Variants in QTRT2 observed in about 807,000 individuals in gnomAD.
QTRT2 encodes queuine tRNA-ribosyltransferase domain containing 1.
A neutral mutation model predicts 44.8 loss-of-function variants in QTRT2; 32 were observed. The observed-to-expected ratio is 0.71, with a 90% confidence interval of 0.54 to 0.96. The LOEUF (loss-of-function observed/expected upper bound fraction) is 0.96. Among genes scored for constraint, QTRT2 ranks in the 40% least tolerant of loss-of-function variants. The pLI, the probability that QTRT2 is intolerant of heterozygous loss-of-function variation, is 0.00. For synonymous variants in QTRT2, 182 were observed against 187.4 expected (o/e 0.97, Z 0.24); for missense variants, 461 against 503.1 (o/e 0.92, Z 0.80).
chr3:114,060,496 G>GTAGGTAGGTAGATAGA (rs74776205), intron 2 of QTRT2, among the ~76,000 whole-genome samples: 403 of 144,510 alleles, frequency 2.8e-3, no homozygotes, highest in Middle Eastern at 7.0e-3. Flanking sequence ...AGGTAGGTAG[G>GTAGGTAGGTAGATAGA]TAGATAGATA....
rs1238528196 is a variant in QTRT2 at position 114,057,005 on chromosome 3, C to T, written c.-123C>T. On this transcript the variant is annotated 5_prime_UTR_variant, in exon 2 of 10. Coordinates refer to ENST00000281273, the MANE Select transcript of QTRT2 (RefSeq NM_024638.4). ...CCTCTGCTTCCCTTTTCAGGGTGTC[C>T]TGGTGGATTGGTTTCTGTAAGTTCA... 3.3e-5 allele frequency: 47 copies of T among 1,428,884 alleles called. No homozygotes were observed. Among genetic ancestry groups the T allele is most frequent in the Non-Finnish European group, 4.3e-5 (47 of 1,096,782 alleles). The allele number at this position is 1,428,884 out of a possible 1,614,324, so 88.5% of individuals were successfully genotyped here.
intron 6 of QTRT2, among the ~76,000 whole-genome samples, chr3:114,073,483 G>A (rs1003096044): frequency 6.6e-6 from 1 of 152,062 alleles, no homozygotes; most frequent in African/African-American, 2.4e-5. Context: ...AGGTTCAAGC[G>A]ATTCTCCTGT....
intron 6 of QTRT2, among the ~76,000 whole-genome samples, chr3:114,073,209 A>G (rs938449854): frequency 3.3e-5 from 5 of 152,176 alleles, no homozygotes; most frequent in Admixed American, 1.3e-4. Flanking sequence ...TGAGCCAGTC[A>G]TTATCCTTGT....
intron 2 of QTRT2, among the ~76,000 whole-genome samples, chr3:114,064,022 C>A (rs1308590270): frequency 1.3e-5 from 2 of 152,018 alleles, no homozygotes; most frequent in Non-Finnish European, 1.5e-5. Flanking sequence ...CGAGACCAGC[C>A]TGGCCAACAT....
intron 4 of QTRT2, among the ~76,000 whole-genome samples, chr3:114,067,445 T>C (rs931434527): frequency 6.6e-6 from 1 of 152,234 alleles, no homozygotes; most frequent in East Asian, 1.9e-4. Flanking sequence ...AATGATTGTC[T>C]TTTTGACTGA....
intron 5 of QTRT2, 94 bp downstream of exon 5, chr3:114,068,157 A>T (rs142868364): frequency 1.5e-5 from 14 of 964,438 alleles, no homozygotes; most frequent in East Asian, 9.7e-5. Context: ...ACTGTCTGGG[A>T]TGATCCCTTA....
At position 114,080,020 on chromosome 3, in the gene QTRT2, T is replaced by C. The variant is rs954107053; in HGVS notation, c.861T>C (p.Thr287=). 6.2e-7 allele frequency: 1 copy of C among 1,612,266 alleles called. No individual in the cohort carries two copies. Among genetic ancestry groups the C allele is most frequent in the East Asian group, 2.2e-5 (1 of 44,814 alleles). The change falls in exon 8 of 10, where the codon ACT becomes ACC. Residue 287 remains threonine, a synonymous_variant. Coordinates refer to ENST00000281273, the MANE Select transcript of QTRT2 (RefSeq NM_024638.4). ...YQVTERGCAL[T]FSFDYQPNPE... is the part of the protein sequence containing the mutation. Reference sequence around the variant, plus strand: ...TAACAGAGCGGGGATGTGCCCTGACTTTCAGTTTTGATTACCAGCCGAATC... The same window carrying C: ...TAACAGAGCGGGGATGTGCCCTGACCTTCAGTTTTGATTACCAGCCGAATC...
chr3:114,074,588 G>A (rs1315485830), intron 6 of QTRT2, among the ~76,000 whole-genome samples: 1 of 152,188 alleles, frequency 6.6e-6, no homozygotes, highest in African/African-American at 2.4e-5. Context: ...GGCAGCCAAA[G>A]TGTTCTTTCT....
chr3:114,083,077 A>G (rs1358756380), intron 9 of QTRT2: 2 of 375,124 alleles, frequency 5.3e-6, no homozygotes, highest in African/African-American at 4.2e-5. Context: ...ATTCCTTTAG[A>G]GCATAATAAG....
chr3:114,072,671 T>G (rs1332341182), intron 6 of QTRT2, among the ~76,000 whole-genome samples: 1 of 152,214 alleles, frequency 6.6e-6, no homozygotes, highest in Non-Finnish European at 1.5e-5. Context: ...CTGAATGCCC[T>G]TCAATATTGA....
rs943895001 is a variant in QTRT2 at position 114,057,008 on chromosome 3, G to A, written c.-120G>A. On this transcript the variant is annotated 5_prime_UTR_variant, in exon 2 of 10. In the 5' UTR this introduces an upstream ATG that the reference lacks. Coordinates refer to ENST00000281273, the MANE Select transcript of QTRT2 (RefSeq NM_024638.4). ...CTGCTTCCCTTTTCAGGGTGTCCTG[G>A]TGGATTGGTTTCTGTAAGTTCAGAT... The A allele has an allele frequency of 6.3e-6, 9 of 1,427,470 alleles. No homozygotes were observed. In the African/African-American group the frequency reaches 1.2e-4, roughly 18 times the overall value. 88.4% of individuals were successfully genotyped at this position (1,427,470 alleles called of 1,614,324 possible).
At chr3:114,063,250 A>G (rs978280427) in intron 2 of QTRT2, among the ~76,000 whole-genome samples, 3 of 152,232 alleles carry the variant, frequency 2.0e-5, no homozygotes, top group African/African-American at 7.2e-5. Flanking sequence ...CTCCAGAGCT[A>G]CTTAGATTAC....
intron 8 of QTRT2, among the ~76,000 whole-genome samples, chr3:114,080,817 G>A (rs755287358): frequency 3.9e-5 from 6 of 152,040 alleles, no homozygotes; most frequent in African/African-American, 9.7e-5. Flanking sequence ...TTCCTTAAAG[G>A]TTCATTTTAT....
rs192639250 is a variant in QTRT2, at chr3:114,065,223, T to C, written c.-21-14T>C. Reference sequence around the variant, plus strand: ...GTGAAGCTCCTTCTATACTTAATGCTCTTTTCTTGACAGGACCTAGAAGAA... The same window carrying C: ...GTGAAGCTCCTTCTATACTTAATGCCCTTTTCTTGACAGGACCTAGAAGAA... On this transcript the variant is annotated splice_polypyrimidine_tract_variant and intron_variant, in intron 2 of 9. Coordinates refer to ENST00000281273, the MANE Select transcript of QTRT2 (RefSeq NM_024638.4). 1.3e-4 allele frequency: 214 copies of C among 1,597,708 alleles called. No individual in the cohort carries two copies. The East Asian group carries it at 2.1e-3, about 16-fold the overall frequency.
At position 114,070,640 on chromosome 3, in the gene QTRT2, G is replaced by A; in HGVS notation, c.348G>A (p.Trp116Ter). The change falls in exon 6 of 10, where the codon TGG (tryptophan) becomes TGA (stop). Residue 116 changes from tryptophan to a stop codon, truncating the protein, a stop_gained. Coordinates refer to ENST00000281273, the MANE Select transcript of QTRT2 (RefSeq NM_024638.4). LOFTEE classifies it high-confidence loss of function. ...GYVTNKSVSV[W>*]SVAGRVEMTV... ...CTCCATGGCAGTCTGTGTCTGTGTG[G>A]AGTGTTGCAGGACGAGTGGAAATGA... The A allele has an allele frequency of 3.1e-6, 5 of 1,614,044 alleles. No homozygotes were observed. The highest frequency in any genetic ancestry group is 4.2e-6 in the Non-Finnish European group (5 of 1,179,952).
intron 4 of QTRT2, among the ~76,000 whole-genome samples, chr3:114,067,413 AC>A (rs758953722): frequency 2.4e-4 from 37 of 152,170 alleles, no homozygotes; most frequent in Non-Finnish European, 4.0e-4. Context: ...GGTTTACTAA[AC>A]TTTTTTTGCA....
Position 114,056,767 on chromosome 3 carries a change from C to T in QTRT2, c.-227C>T. 1 of 1,480,686 alleles carries T rather than the reference C, an allele frequency of 6.8e-7. No homozygotes were observed. The highest frequency in any genetic ancestry group is 9.1e-7 in the Non-Finnish European group (1 of 1,104,484). 91.7% of individuals were successfully genotyped at this position (1,480,686 alleles called of 1,614,324 possible). ...TCCCTGATTGGCTCTGCACTGGAGG[C>T]AGTGATTTTGGGGCAGAGAATTTTG... is the stretch of plus-strand genomic sequence containing the variant. On this transcript the variant is annotated 5_prime_UTR_variant, in exon 1 of 10. Transcript: ENST00000281273.
chr3:114,084,642 G>T (rs914876621), intron 9 of QTRT2, among the ~76,000 whole-genome samples: 2 of 152,290 alleles, frequency 1.3e-5, no homozygotes, highest in African/African-American at 4.8e-5. Context: ...GTGCCCAGCA[G>T]TGTTCAAGTC....
At position 114,085,816 on chromosome 3, in the gene QTRT2, A is replaced by G. The variant is rs766168368; in HGVS notation, c.1160A>G (p.Tyr387Cys). The change falls in exon 10 of 10, where the codon TAC (tyrosine) becomes TGC (cysteine). Residue 387 changes from tyrosine (Y) to cysteine (C), a missense_variant. By Grantham distance (194) the Tyr-to-Cys change is radical. Coordinates refer to ENST00000281273, the MANE Select transcript of QTRT2 (RefSeq NM_024638.4). The part of the protein sequence containing the change: ...VLLMMHNFEH[Y>C]FGFFHYIREA... Reference sequence around the variant, plus strand: ...CTTATGATGCACAACTTTGAACACTACTTTGGGTTTTTCCATTACATCCGG... The same window carrying G: ...CTTATGATGCACAACTTTGAACACTGCTTTGGGTTTTTCCATTACATCCGG... 6.2e-7 allele frequency: 1 copy of G among 1,614,070 alleles called. No individual in the cohort carries two copies. Among genetic ancestry groups the G allele is most frequent in the Non-Finnish European group, 8.5e-7 (1 of 1,180,014 alleles).
Sources: gnomAD v4.1 joint callset for allele counts (sites outside exome capture counted in the v4.1 genomes callset) on GRCh38, gnomAD v4.1.1 for gene constraint, MANE v1.5 for transcripts, NCBI Gene and HGNC (gene_info 2026-07-23, HGNC 2026-07-21) for gene names.